FSTL5: variants seen among roughly 807,000 people sequenced by gnomAD.
FSTL5 encodes the protein follistatin like 5, also known as follistatin-related protein 5.
A neutral mutation model predicts 89.1 loss-of-function variants in FSTL5; 62 were observed. The ratio of observed to expected loss-of-function variants is 0.70; its 90% CI spans 0.57 to 0.86. The LOEUF (loss-of-function observed/expected upper bound fraction) is 0.86, where lower values mean the gene tolerates loss of function less well. FSTL5 is among the 40% of genes least tolerant of loss of function. The pLI is 0.00. For synonymous variants in FSTL5, 383 were observed against 346.2 expected (o/e 1.11, Z -1.18); for missense variants, 1,057 against 1,001.6 (o/e 1.06, Z -0.75).
chr4:162,103,417 T>C (rs1731080256), intron 2 of FSTL5, among the ~76,000 whole-genome samples: 1 of 152,200 alleles, frequency 6.6e-6, no homozygotes, highest in African/African-American at 2.4e-5. Context: ...ATGTATTTAG[T>C]GGCAATTGTG....
At chr4:161,459,049 C>T (rs1466918294) in intron 14 of FSTL5, among the ~76,000 whole-genome samples, 163 bp downstream of exon 14, 1 of 92,320 alleles carries the variant, frequency 1.1e-5, no homozygotes, top group African/African-American at 4.3e-5. Flanking sequence ...TCCAAAAGTA[C>T]ATGAATGCCA....
At chr4:161,408,941 C>T (rs1335465684) in intron 15 of FSTL5, among the ~76,000 whole-genome samples, 2 of 152,190 alleles carry the variant, frequency 1.3e-5, no homozygotes, top group African/African-American at 4.8e-5. Context: ...ATCCATGACA[C>T]ATCAGCATTC....
At chr4:161,438,269 C>T (rs1434918919) in intron 15 of FSTL5, among the ~76,000 whole-genome samples, 1 of 147,364 alleles carries the variant, frequency 6.8e-6, no homozygotes, top group Non-Finnish European at 1.5e-5. Context: ...GCCTATGAGC[C>T]CATCTGGCCA....
At chr4:161,879,874 C>T (rs1732570527) in intron 4 of FSTL5, among the ~76,000 whole-genome samples, 1 of 152,140 alleles carries the variant, frequency 6.6e-6, no homozygotes, top group Non-Finnish European at 1.5e-5. Context: ...ATAATATTTC[C>T]TTAAATCTAT....
chr4:161,502,725 G>T (rs1730338909), intron 11 of FSTL5, among the ~76,000 whole-genome samples: 1 of 151,716 alleles, frequency 6.6e-6, no homozygotes. Context: ...TAGAATTTTT[G>T]CAGCAGAATT....
In FSTL5 at chr4:161,476,720, G is replaced by A. The variant is rs569014764; in HGVS notation, c.1608+4300C>T. Among the ~76,000 whole-genome samples, 5 of 152,222 alleles carry A rather than the reference G, an allele frequency of 3.3e-5. No homozygotes were observed. In the South Asian group the frequency reaches 1.0e-3, roughly 32 times the overall value. ...GAAGAACTAGAGAAAAATGAAAGAG[G>A]AGTATAAACAGACACTAGGCCTTTA... On this transcript the variant is annotated intron_variant, in intron 13 of 15. Coordinates refer to ENST00000306100, the MANE Select transcript of FSTL5 (RefSeq NM_020116.5).
At chr4:161,851,431 G>A (rs1166189561) in intron 4 of FSTL5, among the ~76,000 whole-genome samples, 1 of 152,062 alleles carries the variant, frequency 6.6e-6, no homozygotes, top group African/African-American at 2.4e-5. Flanking sequence ...CACAAACACA[G>A]GTGCACATAA....
intron 1 of FSTL5, among the ~76,000 whole-genome samples, chr4:162,160,322 G>T (rs899119752): frequency 2.6e-5 from 4 of 151,696 alleles, no homozygotes; most frequent in African/African-American, 7.3e-5. Context: ...TTACTGTATG[G>T]TTACCAATTT....
intron 3 of FSTL5, among the ~76,000 whole-genome samples, chr4:161,938,834 T>G (rs2110917410): frequency 6.6e-6 from 1 of 152,140 alleles, no homozygotes; most frequent in African/African-American, 2.4e-5. Context: ...CTTTTCTGTA[T>G]AGGGAACTGG....
chr4:161,782,473 C>A (rs115109201), intron 4 of FSTL5, among the ~76,000 whole-genome samples: 1 of 151,962 alleles, frequency 6.6e-6, no homozygotes, highest in South Asian at 2.1e-4. Flanking sequence ...TGTTTTAGAG[C>A]GGATTATTTT....
At chr4:161,890,686 TA>T (rs5863497) in intron 4 of FSTL5, among the ~76,000 whole-genome samples, 61,341 of 114,596 alleles carry the variant, frequency 0.54, 15,216 homozygotes, top group East Asian at 0.63. Context: ...AGACTCTGTC[TA>T]AAAAAAAAAA....
At position 162,093,381 on chromosome 4, in the gene FSTL5, G is replaced by A. The variant is rs138627286; in HGVS notation, c.126+17890C>T. ...GTTTGTTGGGAAATCCCAACACTTC[G>A]CTGAGATGAAGTTACTATGTTTTCC... On this transcript the variant is annotated intron_variant, in intron 2 of 15. Coordinates refer to ENST00000306100, the MANE Select transcript of FSTL5 (RefSeq NM_020116.5). Among the ~76,000 whole-genome samples, 81 of 152,190 alleles carry A rather than the reference G, an allele frequency of 5.3e-4. 1 individual carries two copies. The East Asian group carries it at 0.014, about 25-fold the overall frequency.
chr4:161,513,045 CAG>C (rs1332894259), intron 10 of FSTL5, among the ~76,000 whole-genome samples: 5 of 151,738 alleles, frequency 3.3e-5, no homozygotes, highest in African/African-American at 1.2e-4. Context: ...TTCCAATAAG[CAG>C]AGATTGTTTC....
At position 161,386,116 on chromosome 4, in the gene FSTL5, T is replaced by C. The variant is rs1730625121; in HGVS notation, c.2175A>G (p.Gly725=). 2.5e-6 allele frequency: 4 copies of C among 1,613,934 alleles called. No individual in the cohort carries two copies. Among genetic ancestry groups the C allele is most frequent in the Non-Finnish European group, 3.4e-6 (4 of 1,179,994 alleles). ...AAATATCAAAAGCCTCCTGTATTTC[T>C]CCTCTGATGGTAATGTACTGAACCC... ...LVRVQYITIR[G]EIQEAFDIYT... is the part of the protein sequence containing the mutation. The change falls in exon 16 of 16, where the codon GGA becomes GGG. Residue 725 remains glycine (G), a synonymous_variant. Coordinates refer to ENST00000306100, the MANE Select transcript of FSTL5 (RefSeq NM_020116.5).
intron 3 of FSTL5, among the ~76,000 whole-genome samples, chr4:161,928,085 CA>C (rs1734179281): frequency 6.6e-6 from 1 of 151,814 alleles, no homozygotes; most frequent in African/African-American, 2.4e-5. Context: ...GAACCCTCAG[CA>C]ATTGCTGATA....
At chr4:161,899,986 G>C (rs12508924) in intron 4 of FSTL5, among the ~76,000 whole-genome samples, 28,072 of 152,028 alleles carry the variant, frequency 0.18, 3,231 homozygotes, top group South Asian at 0.25. Context: ...CCTGAGGTCA[G>C]GGGTTCGAGA....
intron 3 of FSTL5, among the ~76,000 whole-genome samples, chr4:161,945,001 A>T (rs1185379022): frequency 2.0e-5 from 3 of 152,036 alleles, no homozygotes; most frequent in South Asian, 2.1e-4. Flanking sequence ...GGATTGCATA[A>T]TCTCAGAAAA....
chr4:161,829,391 T>C (rs1730772413), intron 4 of FSTL5, among the ~76,000 whole-genome samples: 1 of 150,336 alleles, frequency 6.7e-6, no homozygotes, highest in African/African-American at 2.4e-5. Context: ...ATAGAAGGAG[T>C]TCTGCTTAAA....
chr4:161,697,080 C>T (rs959865956), intron 6 of FSTL5, among the ~76,000 whole-genome samples: 1 of 152,186 alleles, frequency 6.6e-6, no homozygotes, highest in African/African-American at 2.4e-5. Flanking sequence ...AGCAAACAAA[C>T]AGCCCTGTCA....
Sources: allele counts gnomAD v4.1 joint callset (sites outside exome capture counted in the v4.1 genomes callset), GRCh38; gene constraint gnomAD v4.1.1; transcripts MANE v1.5; gene names NCBI Gene and HGNC (gene_info 2026-07-23, HGNC 2026-07-21).